The following ZBTB7C variants were observed in gnomAD, a reference collection of about 807,000 sequenced individuals.
ZBTB7C encodes the protein zinc finger and BTB domain-containing protein 7C.
ZBTB7C carries 8 observed loss-of-function variants against 25.7 expected under a neutral mutation model. The observed-to-expected ratio is 0.31, with a 90% CI of 0.18 to 0.56. The LOEUF (loss-of-function observed/expected upper bound fraction) is 0.56, where lower values mean the gene tolerates loss of function less well. ZBTB7C is among the 20% of genes least tolerant of loss of function. ZBTB7C has a pLI of 0.91. For missense variants in ZBTB7C, 824 were observed against 855.2 expected, an observed-to-expected ratio of 0.96 and a Z score of 0.46; for synonymous variants, 394 against 369.0, an observed-to-expected ratio of 1.07 and a Z score of -0.78.
chr18:48,066,940 A>G (rs2037352828), intron 3 of ZBTB7C, among the ~76,000 whole-genome samples: 1 of 152,038 alleles, frequency 6.6e-6, no homozygotes, highest in South Asian at 2.1e-4. Context: ...TGTCTCTACT[A>G]AAAATACAAA....
intron 3 of ZBTB7C, among the ~76,000 whole-genome samples, chr18:48,096,680 A>G (rs986313496): frequency 6.6e-6 from 1 of 152,176 alleles, no homozygotes; most frequent in African/African-American, 2.4e-5. Flanking sequence ...ACTTTCGGTC[A>G]TAAGTCTGAA....
intron 2 of ZBTB7C, among the ~76,000 whole-genome samples, chr18:48,279,790 C>G (rs1320926972): frequency 5.3e-5 from 8 of 152,192 alleles, no homozygotes; most frequent in Admixed American, 5.2e-4. Context: ...AAGCAGAGAG[C>G]AGGGGAAGCA....
intron 3 of ZBTB7C, among the ~76,000 whole-genome samples, chr18:48,156,244 A>T (rs946985570): frequency 4.6e-5 from 7 of 152,338 alleles, no homozygotes; most frequent in African/African-American, 1.7e-4. Context: ...TGCCAAGAAG[A>T]CCTGCCCACG....
At chr18:48,055,410 C>CAAA (rs57782791) in intron 3 of ZBTB7C, among the ~76,000 whole-genome samples, 22 of 72,738 alleles carry the variant, frequency 3.0e-4, no homozygotes, top group East Asian at 3.7e-4. Context: ...ACTCAAGTCT[C>CAAA]AAAAAAAAAA....
At chr18:48,094,197 T>C (rs547258807) in intron 3 of ZBTB7C, among the ~76,000 whole-genome samples, 1 of 152,318 alleles carries the variant, frequency 6.6e-6, no homozygotes, top group East Asian at 1.9e-4. Flanking sequence ...ACCTGATGGG[T>C]AATGTGGTCA....
intron 3 of ZBTB7C, among the ~76,000 whole-genome samples, chr18:48,055,429 A>C (rs2036875769): frequency 6.6e-6 from 1 of 151,244 alleles, no homozygotes; most frequent in Admixed American, 6.6e-5. Context: ...AAAAAAAAAA[A>C]AAAAGAACCA....
chr18:48,185,884 C>T (rs1447799112), intron 3 of ZBTB7C, 50 bp downstream of exon 3: 1 of 152,240 alleles, frequency 6.6e-6, no homozygotes, highest in African/African-American at 2.4e-5. Context: ...CACCCACTTC[C>T]CAGGAACATT....
At chr18:48,383,946 G>T (rs2047689973) in intron 1 of ZBTB7C, among the ~76,000 whole-genome samples, 1 of 152,168 alleles carries the variant, frequency 6.6e-6, no homozygotes, top group Admixed American at 6.5e-5. Flanking sequence ...ATAATCCTGG[G>T]GACGAAATAA....
intron 1 of ZBTB7C, among the ~76,000 whole-genome samples, chr18:48,394,895 C>T (rs896617970): frequency 6.6e-6 from 1 of 152,178 alleles, no homozygotes; most frequent in African/African-American, 2.4e-5. Flanking sequence ...TAAACGGCGA[C>T]GCGTATGTGT....
intron 2 of ZBTB7C, among the ~76,000 whole-genome samples, chr18:48,272,109 A>G (rs1320977438): frequency 1.3e-5 from 2 of 152,218 alleles, no homozygotes; most frequent in Non-Finnish European, 2.9e-5. Flanking sequence ...ATGCCCAGAT[A>G]GCTGGTAAAA....
chr18:48,123,030 G>A (rs570690062), intron 3 of ZBTB7C, among the ~76,000 whole-genome samples: 2 of 152,112 alleles, frequency 1.3e-5, no homozygotes, highest in Non-Finnish European at 2.9e-5. Flanking sequence ...CTGTCTGGAG[G>A]GGCCTGACAC....
At chr18:48,034,104 G>A (rs957442313) in intron 4 of ZBTB7C, among the ~76,000 whole-genome samples, 1 of 152,176 alleles carries the variant, frequency 6.6e-6, no homozygotes, top group African/African-American at 2.4e-5. Flanking sequence ...GGAATCTCAA[G>A]AGCTGAGCTC....
chr18:48,078,583 G>C (rs897730192), intron 3 of ZBTB7C, among the ~76,000 whole-genome samples: 1 of 152,176 alleles, frequency 6.6e-6, no homozygotes, highest in African/African-American at 2.4e-5. Context: ...GGGCTCCAAG[G>C]GTTGTGGTGA....
At chr18:48,106,448 A>T (rs940411037) in intron 3 of ZBTB7C, among the ~76,000 whole-genome samples, 11 of 146,154 alleles carry the variant, frequency 7.5e-5, no homozygotes, top group African/African-American at 3.0e-4. Flanking sequence ...AAACCCTATT[A>T]TAATGAATGA....
intron 1 of ZBTB7C, among the ~76,000 whole-genome samples, chr18:48,360,846 CG>C (rs1162990838): frequency 1.3e-5 from 2 of 151,950 alleles, no homozygotes; most frequent in African/African-American, 4.8e-5. Flanking sequence ...GGGTCGCTGG[CG>C]GAAGGGTGAG....
At chr18:48,082,197 C>T (rs1488825155) in intron 3 of ZBTB7C, among the ~76,000 whole-genome samples, 1 of 152,190 alleles carries the variant, frequency 6.6e-6, no homozygotes, top group Non-Finnish European at 1.5e-5. Flanking sequence ...ACACTGTCCC[C>T]TTGCACAGCC....
chr18:48,189,947 G>C (rs753825655), intron 2 of ZBTB7C, among the ~76,000 whole-genome samples: 30 of 152,198 alleles, frequency 2.0e-4, no homozygotes, highest in Non-Finnish European at 3.2e-4. Flanking sequence ...GGCTCTTCCC[G>C]ACAGGTGAGA....
intron 3 of ZBTB7C, among the ~76,000 whole-genome samples, chr18:48,125,596 A>C (rs1407245240): frequency 6.6e-6 from 1 of 152,238 alleles, no homozygotes; most frequent in Non-Finnish European, 1.5e-5. Flanking sequence ...TGGCCATAAC[A>C]ATATGATGGC....
At chr18:48,193,366 C>A (rs1273984300) in intron 2 of ZBTB7C, among the ~76,000 whole-genome samples, 1 of 152,078 alleles carries the variant, frequency 6.6e-6, no homozygotes, top group African/African-American at 2.4e-5. Context: ...TAGACTCTGC[C>A]CAGCCTTTTC....
Sources: gnomAD v4.1 joint callset for allele counts (sites outside exome capture counted in the v4.1 genomes callset) on GRCh38, gnomAD v4.1.1 for gene constraint, MANE v1.5 for transcripts, NCBI Gene and HGNC (gene_info 2026-07-23, HGNC 2026-07-21) for gene names.